Variants in MNAT1 observed in about 807,000 individuals in gnomAD.
MNAT1 encodes the protein CDK-activating kinase assembly factor MAT1.
In MNAT1, 43 loss-of-function variants were observed where a neutral mutation model predicts 42.0. The observed-to-expected ratio is 1.02, with a 90% CI of 0.80 to 1.32. The LOEUF (loss-of-function observed/expected upper bound fraction) is 1.32. Ranked by LOEUF, MNAT1 falls within the 40% of genes most tolerant of loss-of-function variation. The pLI, the probability that MNAT1 is intolerant of heterozygous loss-of-function variation, is 0.00. For missense variants in MNAT1, 306 were observed against 350.4 expected (o/e 0.87, Z 1.01); for synonymous variants, 118 against 120.0 (o/e 0.98, Z 0.11).
intron 1 of MNAT1, among the ~76,000 whole-genome samples, chr14:60,767,136 G>A (rs543755845): frequency 6.6e-5 from 10 of 152,222 alleles, no homozygotes; most frequent in African/African-American, 2.4e-4. Flanking sequence ...TGCTTCTTGA[G>A]GTGTTAACAA....
chr14:60,934,030 A>G (rs1409870169), intron 7 of MNAT1, among the ~76,000 whole-genome samples: 1 of 152,192 alleles, frequency 6.6e-6, no homozygotes, highest in Non-Finnish European at 1.5e-5. Flanking sequence ...GGGAAGAGTA[A>G]AGGGAAGCTT....
intron 6 of MNAT1, among the ~76,000 whole-genome samples, chr14:60,830,742 A>G (rs142116046): frequency 9.5e-4 from 143 of 150,130 alleles, no homozygotes; most frequent in African/African-American, 3.4e-3. Context: ...ATTTTGTTAT[A>G]TAATTCCTAT....
intron 6 of MNAT1, among the ~76,000 whole-genome samples, chr14:60,855,195 C>T (rs1382634733): frequency 1.3e-5 from 2 of 152,188 alleles, no homozygotes; most frequent in Non-Finnish European, 2.9e-5. Context: ...GTTGACTTCA[C>T]ACTGCTGTGC....
chr14:60,949,635 G>A (rs1207766760), intron 7 of MNAT1, among the ~76,000 whole-genome samples: 2 of 151,998 alleles, frequency 1.3e-5, no homozygotes, highest in Admixed American at 6.6e-5. Context: ...TAAAATAAGA[G>A]GAAAATATTT....
chr14:60,788,747 C>G (rs930258509), intron 1 of MNAT1, among the ~76,000 whole-genome samples: 1 of 152,192 alleles, frequency 6.6e-6, no homozygotes, highest in African/African-American at 2.4e-5. Flanking sequence ...CTGCTAGCTT[C>G]AGACTTTTCT....
At chr14:60,913,802 G>A (rs971200535) in intron 7 of MNAT1, among the ~76,000 whole-genome samples, 3 of 152,162 alleles carry the variant, frequency 2.0e-5, no homozygotes, top group Non-Finnish European at 2.9e-5. Context: ...GCAGTCTGTC[G>A]GTGTTCAGAT....
chr14:60,835,438 G>C (rs1390657450), intron 6 of MNAT1, among the ~76,000 whole-genome samples: 1 of 152,146 alleles, frequency 6.6e-6, no homozygotes, highest in African/African-American at 2.4e-5. Flanking sequence ...CAGGTTTGGT[G>C]ATGACAAAAT....
intron 1 of MNAT1, among the ~76,000 whole-genome samples, chr14:60,745,394 T>C (rs749734728): frequency 9.2e-5 from 14 of 152,146 alleles, no homozygotes; most frequent in Non-Finnish European, 4.4e-5. Flanking sequence ...GTCTTGCAGA[T>C]TTTCTCAGTT....
chr14:60,939,018 A>C (rs965655592), intron 7 of MNAT1, among the ~76,000 whole-genome samples: 1 of 152,176 alleles, frequency 6.6e-6, no homozygotes, highest in Non-Finnish European at 1.5e-5. Context: ...ATTTATTTGC[A>C]TAGAGGTGTT....
At chr14:60,793,374 T>G (rs2140323881) in intron 1 of MNAT1, among the ~76,000 whole-genome samples, 2 of 151,996 alleles carry the variant, frequency 1.3e-5, no homozygotes, top group Middle Eastern at 6.8e-3. Context: ...ATTTATTTAT[T>G]TATTTTTGGA....
chr14:60,936,024 C>G (rs1264257568), intron 7 of MNAT1, among the ~76,000 whole-genome samples: 1 of 152,146 alleles, frequency 6.6e-6, no homozygotes, highest in Non-Finnish European at 1.5e-5. Context: ...CCCCCAACCT[C>G]ACAGGTTGAA....
chr14:60,852,998 C>T (rs1260463803), intron 6 of MNAT1, among the ~76,000 whole-genome samples: 2 of 152,110 alleles, frequency 1.3e-5, no homozygotes, highest in Non-Finnish European at 2.9e-5. Flanking sequence ...CAGCTTTGTT[C>T]TTTTTGCTTA....
chr14:60,836,969 C>CTA (rs960678969), intron 6 of MNAT1, among the ~76,000 whole-genome samples: 3 of 152,196 alleles, frequency 2.0e-5, no homozygotes, highest in African/African-American at 7.2e-5. Context: ...GGCAGTCAGG[C>CTA]TACAGCAGCT....
In MNAT1 at chr14:60,969,477, A is replaced by G. The variant is rs2036742298; in HGVS notation, c.*1128A>G. 6.6e-6 allele frequency: 1 copy of G among 152,184 alleles called. No homozygotes were observed. The highest frequency in any genetic ancestry group is 1.5e-5 in the Non-Finnish European group (1 of 68,012). 9.4% of individuals were successfully genotyped at this position (152,184 alleles called of 1,614,324 possible). A position where few individuals can be genotyped will look rare whatever the true frequency, so the allele number is the denominator to read the frequency against. ...AGTTATTAATTAATTTTAGCAATACATCTTCATCTTTATTGTACTTCTATC... is the reference window on the plus strand; with the variant it reads ...AGTTATTAATTAATTTTAGCAATACGTCTTCATCTTTATTGTACTTCTATC... On this transcript the variant is annotated 3_prime_UTR_variant, in exon 8 of 8. Coordinates refer to ENST00000261245, the MANE Select transcript of MNAT1 (RefSeq NM_002431.4).
intron 3 of MNAT1, among the ~76,000 whole-genome samples, chr14:60,802,656 A>G (rs531172847): frequency 2.0e-5 from 3 of 152,324 alleles, no homozygotes; most frequent in African/African-American, 4.8e-5. Flanking sequence ...TAGACATAGA[A>G]TATTCAAGTG....
At chr14:60,895,765 CAACAA>C (rs746386602) in intron 7 of MNAT1, among the ~76,000 whole-genome samples, 12 of 152,052 alleles carry the variant, frequency 7.9e-5, no homozygotes, top group South Asian at 2.1e-4. Context: ...GACTCTGTCT[CAACAA>C]AACAAAACAA....
chr14:60,889,841 C>T (rs2034791034), intron 7 of MNAT1, among the ~76,000 whole-genome samples: 1 of 152,166 alleles, frequency 6.6e-6, no homozygotes, highest in Non-Finnish European at 1.5e-5. Flanking sequence ...CCAAAAAACA[C>T]ATGAAAAAAT....
At chr14:60,948,466 A>G (rs887573909) in intron 7 of MNAT1, among the ~76,000 whole-genome samples, 3 of 152,152 alleles carry the variant, frequency 2.0e-5, no homozygotes, top group Non-Finnish European at 4.4e-5. Context: ...AACCCTCAGG[A>G]TTTGACACTG....
chr14:60,800,535 G>A (rs1484191211), intron 3 of MNAT1, among the ~76,000 whole-genome samples: 2 of 152,090 alleles, frequency 1.3e-5, no homozygotes, highest in Non-Finnish European at 2.9e-5. Flanking sequence ...GCATGCCCAT[G>A]TCTCAAAAAA....
Sources: allele counts gnomAD v4.1 joint callset (sites outside exome capture counted in the v4.1 genomes callset), GRCh38; gene constraint gnomAD v4.1.1; transcripts MANE v1.5; gene names NCBI Gene and HGNC (gene_info 2026-07-23, HGNC 2026-07-21).